NALF1: variants seen among roughly 807,000 people sequenced by gnomAD.
NALF1 encodes family with sequence similarity 155 member A.
In NALF1, 3 loss-of-function variants were observed where a neutral mutation model predicts 48.4. The ratio of observed to expected loss-of-function variants is 0.06; its 90% CI spans 0.03 to 0.16. The LOEUF is 0.16. Ranked by LOEUF, NALF1 falls within the 10% of genes least tolerant of loss-of-function variation. The probability of loss-of-function intolerance (pLI) is 1.00; values close to 1 mark genes in which losing one functional copy is unlikely to be tolerated. For missense variants in NALF1, 526 were observed against 571.5 expected, an observed-to-expected ratio of 0.92 and a Z score of 0.81; for synonymous variants, 262 against 245.7, an observed-to-expected ratio of 1.07 and a Z score of -0.62.
chr13:107,574,789 C>G (rs1878088519), intron 1 of NALF1, among the ~76,000 whole-genome samples: 2 of 152,172 alleles, frequency 1.3e-5, no homozygotes, highest in African/African-American at 4.8e-5. Context: ...TATCAATGAA[C>G]AGCCTTTCCT....
intron 1 of NALF1, among the ~76,000 whole-genome samples, chr13:107,338,768 G>A (rs1051439171): frequency 1.3e-5 from 2 of 152,146 alleles, no homozygotes; most frequent in African/African-American, 4.8e-5. Flanking sequence ...AGTATCTGAT[G>A]CTATGTAATG....
chr13:107,175,106 T>G (rs2769909), intron 2 of NALF1, among the ~76,000 whole-genome samples: 89,662 of 126,260 alleles, frequency 0.71, 32,489 homozygotes, highest in African/African-American at 0.83. Context: ...AGCCAGGATG[T>G]TCTCGATCTC....
chr13:107,590,441 T>C (rs1027000167), intron 1 of NALF1, among the ~76,000 whole-genome samples: 2 of 151,934 alleles, frequency 1.3e-5, no homozygotes, highest in Non-Finnish European at 2.9e-5. Context: ...GGAAAGAAAA[T>C]AGTTTGAATT....
At chr13:107,602,949 T>C (rs1350237969) in intron 1 of NALF1, among the ~76,000 whole-genome samples, 1 of 152,176 alleles carries the variant, frequency 6.6e-6, no homozygotes, top group Non-Finnish European at 1.5e-5. Context: ...GAAGGCCTAG[T>C]TAGTGGAAAA....
intron 1 of NALF1, among the ~76,000 whole-genome samples, chr13:107,373,859 C>T (rs145743809): frequency 2.0e-3 from 299 of 152,244 alleles, no homozygotes; most frequent in African/African-American, 6.7e-3. Flanking sequence ...CAAGATTACT[C>T]ATCAAAAGAA....
intron 1 of NALF1, among the ~76,000 whole-genome samples, chr13:107,858,523 T>C (rs1252073902): frequency 2.0e-5 from 3 of 152,118 alleles, no homozygotes; most frequent in Non-Finnish European, 4.4e-5. Context: ...CCCATCTCTA[T>C]TACAAATCCA....
chr13:107,463,128 A>G (rs892907259), intron 1 of NALF1, among the ~76,000 whole-genome samples: 3 of 152,230 alleles, frequency 2.0e-5, no homozygotes, highest in African/African-American at 7.2e-5. Context: ...ATCTCTGCGT[A>G]TCTACTAATA....
chr13:107,239,425 C>T (rs1880422206), intron 1 of NALF1, among the ~76,000 whole-genome samples: 1 of 152,188 alleles, frequency 6.6e-6, no homozygotes, highest in South Asian at 2.1e-4. Flanking sequence ...CCTCACATGG[C>T]ACTTCCCTTT....
chr13:107,458,291 C>T (rs1884857664), intron 1 of NALF1, among the ~76,000 whole-genome samples: 1 of 152,156 alleles, frequency 6.6e-6, no homozygotes, highest in Admixed American at 6.5e-5. Flanking sequence ...CTAAAGGACA[C>T]TTTACTCAGA....
chr13:107,196,852 G>A (rs1879402603), intron 2 of NALF1, among the ~76,000 whole-genome samples: 1 of 152,088 alleles, frequency 6.6e-6, no homozygotes, highest in Non-Finnish European at 1.5e-5. Flanking sequence ...AGGGGTTGGG[G>A]GGAGGTGACC....
chr13:107,283,554 G>T (rs1881430019), intron 1 of NALF1, among the ~76,000 whole-genome samples: 1 of 152,152 alleles, frequency 6.6e-6, no homozygotes, highest in Non-Finnish European at 1.5e-5. Flanking sequence ...TTTGAAGATG[G>T]CATCCCGTGT....
intron 1 of NALF1, among the ~76,000 whole-genome samples, chr13:107,472,220 T>A (rs969092189): frequency 6.6e-6 from 1 of 152,106 alleles, no homozygotes; most frequent in Non-Finnish European, 1.5e-5. Context: ...TCCCAGGTAC[T>A]TGGGAGGCTG....
chr13:107,315,192 C>G lies in NALF1; in HGVS notation c.916-104437G>C, dbSNP rs552295086. Among the ~76,000 whole-genome samples the G allele has an allele frequency of 7.2e-5, 11 of 152,054 alleles. No homozygotes were observed. In the South Asian group the frequency reaches 2.1e-3, roughly 29 times the overall value. On this transcript the variant is annotated intron_variant, in intron 1 of 2. Coordinates refer to ENST00000375915, the MANE Select transcript of NALF1 (RefSeq NM_001080396.3). ...GCGAAAGAATTAAAGAATTCTACTA[C>G]CTTTCATTTGTATACAGTAATACAT...
At chr13:107,709,556 GC>G (rs879453445) in intron 1 of NALF1, among the ~76,000 whole-genome samples, 7 of 152,182 alleles carry the variant, frequency 4.6e-5, no homozygotes, top group Non-Finnish European at 8.8e-5. Context: ...AGTCTAGATT[GC>G]AACCATATCA....
chr13:107,459,219 A>C (rs1050428943), intron 1 of NALF1, among the ~76,000 whole-genome samples: 1 of 152,186 alleles, frequency 6.6e-6, no homozygotes, highest in African/African-American at 2.4e-5. Flanking sequence ...ACCCAGGAAA[A>C]GAAAACAACG....
intron 1 of NALF1, among the ~76,000 whole-genome samples, chr13:107,395,543 G>A (rs928411914): frequency 2.6e-5 from 4 of 152,104 alleles, no homozygotes; most frequent in East Asian, 1.9e-4. Context: ...ACTCATAGGC[G>A]TGTCTGCTGG....
At chr13:107,619,213 G>A (rs1168978162) in intron 1 of NALF1, among the ~76,000 whole-genome samples, 1 of 152,214 alleles carries the variant, frequency 6.6e-6, no homozygotes, top group Non-Finnish European at 1.5e-5. Flanking sequence ...TTCTATTCCA[G>A]AGACATGAGG....
chr13:107,800,251 T>C (rs1878564543), intron 1 of NALF1, among the ~76,000 whole-genome samples: 1 of 152,176 alleles, frequency 6.6e-6, no homozygotes, highest in South Asian at 2.1e-4. Flanking sequence ...ACATGAAAAT[T>C]AAAGACTGAG....
chr13:107,248,591 T>A lies in NALF1; in HGVS notation c.916-37836A>T, dbSNP rs72666515. On this transcript the variant is annotated intron_variant, in intron 1 of 2. Coordinates refer to ENST00000375915, the MANE Select transcript of NALF1 (RefSeq NM_001080396.3). ...TCTAGTATGGTAGCCAGTAGCCACA[T>A]GTGGCTTTTTAAATTTAAATTCAGA... is the stretch of plus-strand genomic sequence containing the variant. Among the ~76,000 whole-genome samples the A allele has an allele frequency of 2.5e-3, 368 of 147,966 alleles. 2 individuals are homozygous for A. The highest frequency in any genetic ancestry group is 8.6e-3 in the African/African-American group (342 of 39,758).
Sources: allele counts gnomAD v4.1 joint callset (sites outside exome capture counted in the v4.1 genomes callset), GRCh38; gene constraint gnomAD v4.1.1; transcripts MANE v1.5; gene names NCBI Gene and HGNC (gene_info 2026-07-23, HGNC 2026-07-21).